TNS3: variants seen among roughly 807,000 people sequenced by gnomAD.
TNS3 encodes the protein tensin 3.
A neutral mutation model predicts 140.9 loss-of-function variants in TNS3; 45 were observed. That is an observed-to-expected ratio of 0.32 (90% CI 0.25 to 0.41). TNS3 has a LOEUF of 0.41. Among genes scored for constraint, TNS3 ranks in the 10% least tolerant of loss-of-function variants. The probability of loss-of-function intolerance (pLI) is 1.00; values close to 1 mark genes in which losing one functional copy is unlikely to be tolerated. For synonymous variants in TNS3, 815 were observed against 788.4 expected, an observed-to-expected ratio of 1.03 and a Z score of -0.56; for missense variants, 1,716 against 1,906.7, an observed-to-expected ratio of 0.90 and a Z score of 1.86.
intron 2 of TNS3, among the ~76,000 whole-genome samples, chr7:47,513,772 C>G (rs144064092): frequency 6.6e-6 from 1 of 152,242 alleles, no homozygotes. Flanking sequence ...TACCCTCCGG[C>G]GTCTGAGCTG....
intron 16 of TNS3, among the ~76,000 whole-genome samples, chr7:47,389,092 G>GCAGAAGCAGAAGAAGAAGAA (rs1562675398): frequency 1.8e-5 from 1 of 55,430 alleles, no homozygotes; most frequent in African/African-American, 1.2e-4. Flanking sequence ...AAGAGGAAGA[G>GCAGAAGCAGAAGAAGAAGAA]GAAGAGGAAG....
chr7:47,474,117 AACACACAC>A (rs35049083), intron 4 of TNS3, among the ~76,000 whole-genome samples: 2 of 145,324 alleles, frequency 1.4e-5, no homozygotes, highest in South Asian at 2.2e-4. Context: ...AGCAAGTCTC[AACACACAC>A]ACACACACAC....
At chr7:47,378,750 G>T (rs1791568819) in intron 16 of TNS3, among the ~76,000 whole-genome samples, 1 of 152,182 alleles carries the variant, frequency 6.6e-6, no homozygotes. Context: ...TTCATGGGGG[G>T]AGGGCTAAGG....
chr7:47,423,288 G>A (rs2151471745), intron 10 of TNS3, among the ~76,000 whole-genome samples: 1 of 152,300 alleles, frequency 6.6e-6, no homozygotes, highest in South Asian at 2.1e-4. Context: ...AATATGCCAT[G>A]GAGCTACCTG....
intron 3 of TNS3, among the ~76,000 whole-genome samples, chr7:47,503,210 T>G (rs968967604): frequency 1.3e-5 from 2 of 152,040 alleles, no homozygotes; most frequent in African/African-American, 2.4e-5. Context: ...AAAGTGCAAC[T>G]CTAAGGAGCA....
intron 20 of TNS3, among the ~76,000 whole-genome samples, chr7:47,326,501 T>C (rs1788031458): frequency 6.6e-6 from 1 of 152,064 alleles, no homozygotes; most frequent in African/African-American, 2.4e-5. Context: ...GCACAGGTAC[T>C]CTGGGAGCAA....
chr7:47,352,754 C>T (rs1435894608), intron 17 of TNS3, among the ~76,000 whole-genome samples: 1 of 152,204 alleles, frequency 6.6e-6, no homozygotes, highest in East Asian at 1.9e-4. Context: ...CCCCTCCACT[C>T]AAGGCCCCCA....
At chr7:47,448,767 G>T (rs763723411) in intron 4 of TNS3, among the ~76,000 whole-genome samples, 1 of 152,144 alleles carries the variant, frequency 6.6e-6, no homozygotes, top group Non-Finnish European at 1.5e-5. Context: ...GTAAGCCACC[G>T]CTCCCAGCCA....
rs767842766 is a variant in TNS3, at chr7:47,303,127, C to T, written c.3280G>A (p.Gly1094Arg). 50 of 1,613,810 alleles carry T rather than the reference C, an allele frequency of 3.1e-5. No individual in the cohort carries two copies. The highest frequency in any genetic ancestry group is 3.9e-5 in the Non-Finnish European group (46 of 1,179,924). ...GLQGQGVTLP[G>R]QPPLPEKKRA... Reference sequence around the variant, plus strand: ...TTCTTCTCAGGGAGGGGTGGCTGCCCGGGCAGGGTCACACCCTGGCCCTGC... The same window carrying T: ...TTCTTCTCAGGGAGGGGTGGCTGCCTGGGCAGGGTCACACCCTGGCCCTGC... The change falls in exon 22 of 31, where the codon GGG becomes AGG. Residue 1094 changes from glycine (G) to arginine (R), a missense_variant. This residue lies in a region of TNS3 where 1,163 missense variants were observed against 1,182.1 expected (regional missense o/e 0.98). Transcript: ENST00000311160.
chr7:47,395,440 G>C (rs1328253849), intron 16 of TNS3, among the ~76,000 whole-genome samples: 1 of 152,230 alleles, frequency 6.6e-6, no homozygotes, highest in Non-Finnish European at 1.5e-5. Context: ...GTGATGGACA[G>C]AATATAGCTA....
intron 1 of TNS3, among the ~76,000 whole-genome samples, chr7:47,560,221 T>C (rs1800295336): frequency 6.6e-6 from 1 of 152,002 alleles, no homozygotes; most frequent in African/African-American, 2.4e-5. Context: ...AGCCTCAGGA[T>C]GGGCTTAGGG....
chr7:47,461,116 T>C (rs544474362), intron 4 of TNS3, among the ~76,000 whole-genome samples: 2 of 151,806 alleles, frequency 1.3e-5, no homozygotes, highest in Admixed American at 6.6e-5. Context: ...AAGCTTACAG[T>C]GAGATGAGGG....
intron 18 of TNS3, among the ~76,000 whole-genome samples, chr7:47,345,722 G>A (rs1355646937): frequency 3.3e-5 from 5 of 152,194 alleles, no homozygotes; most frequent in Admixed American, 6.5e-5. Context: ...GGGAGGTCTC[G>A]GAGGGAGGAC....
intron 18 of TNS3, among the ~76,000 whole-genome samples, 161 bp from the exon 19 acceptor site, chr7:47,345,199 C>A: frequency 6.6e-6 from 1 of 152,154 alleles, no homozygotes; most frequent in East Asian, 1.9e-4. Context: ...ACAAAACCAG[C>A]CCGCCTCTCC....
At chr7:47,386,939 G>A (rs1391738842) in intron 16 of TNS3, among the ~76,000 whole-genome samples, 2 of 152,192 alleles carry the variant, frequency 1.3e-5, no homozygotes, top group Admixed American at 6.5e-5. Flanking sequence ...ACTAGTCTCT[G>A]ACACCTATGC....
chr7:47,397,108 G>C (rs562516525), intron 15 of TNS3, among the ~76,000 whole-genome samples: 1 of 148,468 alleles, frequency 6.7e-6, no homozygotes, highest in East Asian at 1.9e-4. Context: ...AAAGCCACGA[G>C]GGGGAAGGGA....
intron 13 of TNS3, among the ~76,000 whole-genome samples, chr7:47,404,624 C>T (rs764111215): frequency 2.6e-5 from 4 of 151,788 alleles, no homozygotes; most frequent in Admixed American, 2.0e-4. Context: ...CGGTGGCTCA[C>T]GCCTGTAATC....
At chr7:47,454,678 A>T (rs1796172268) in intron 4 of TNS3, among the ~76,000 whole-genome samples, 2 of 152,200 alleles carry the variant, frequency 1.3e-5, no homozygotes, top group South Asian at 4.1e-4. Context: ...CTTCATGGTG[A>T]CAGAAAACAG....
intron 1 of TNS3, among the ~76,000 whole-genome samples, chr7:47,554,125 A>G (rs182999987): frequency 2.3e-4 from 34 of 150,844 alleles, no homozygotes; most frequent in African/African-American, 8.0e-4. Context: ...ACTTTTTAAG[A>G]AATACATTTT....
Sources: allele counts gnomAD v4.1 joint callset (sites outside exome capture counted in the v4.1 genomes callset), GRCh38; gene constraint gnomAD v4.1.1; regional missense constraint gnomAD v4.1.1; transcripts MANE v1.5; gene names NCBI Gene and HGNC (gene_info 2026-07-23, HGNC 2026-07-21).